Variants in MMP2 observed in about 807,000 individuals in gnomAD.
The protein encoded by MMP2 is matrix metallopeptidase 2.
In MMP2, 39 loss-of-function variants were observed where a neutral mutation model predicts 74.8. The ratio of observed to expected loss-of-function variants is 0.52; its 90% confidence interval spans 0.40 to 0.68. The LOEUF is 0.68. Among genes scored for constraint, MMP2 ranks in the 30% least tolerant of loss-of-function variants. MMP2 has a pLI of 0.00. For missense variants in MMP2, 803 were observed against 878.3 expected (o/e 0.91, Z 1.08); for synonymous variants, 367 against 339.8 (o/e 1.08, Z -0.88).
In MMP2 at chr16:55,498,269, A is replaced by AC. The variant is rs781281711; in HGVS notation, c.1610-17dup. The AC allele has an allele frequency of 2.5e-6, 4 of 1,613,494 alleles. No individual in the cohort carries two copies. Among genetic ancestry groups the AC allele is most frequent in the Non-Finnish European group, 3.4e-6 (4 of 1,179,892 alleles). On this transcript the variant is annotated intron_variant, in intron 10 of 12. Coordinates refer to ENST00000219070, the MANE Select transcript of MMP2 (RefSeq NM_004530.6). ...AGGGCATGTCAGCACCAGCCAACAC[A>AC]CCCTTTGCTTCCACCCCAGGGAATG... is the stretch of plus-strand genomic sequence containing the variant.
chr16:55,495,345 C>T (rs1962506418), intron 9 of MMP2, among the ~76,000 whole-genome samples: 1 of 152,210 alleles, frequency 6.6e-6, no homozygotes, highest in Admixed American at 6.5e-5. Flanking sequence ...GGAGCCATCC[C>T]TGGCCTACCA....
At chr16:55,482,409 G>A (rs1355471657) in intron 1 of MMP2, among the ~76,000 whole-genome samples, 3 of 152,178 alleles carry the variant, frequency 2.0e-5, no homozygotes, top group South Asian at 2.1e-4. Flanking sequence ...GTCACCAGCC[G>A]CAAGGTAGAT....
rs945004840 is a variant in MMP2, at chr16:55,479,986, G to A, written c.153+354G>A. The A allele has an allele frequency of 4.6e-4, 137 of 296,204 alleles. 2 individuals are homozygous for A. Among genetic ancestry groups the A allele is most frequent in the African/African-American group, 3.0e-3 (135 of 44,604 alleles). 18.3% of individuals were successfully genotyped at this position (296,204 alleles called of 1,614,324 possible). ...GTATCTGGGACATTTGGCGGGGGGGGGGGGCGGTCTTTGTAAACAACTTTT... is the reference window on the plus strand; with the variant it reads ...GTATCTGGGACATTTGGCGGGGGGGAGGGGCGGTCTTTGTAAACAACTTTT... On this transcript the variant is annotated intron_variant, in intron 1 of 12. Coordinates refer to ENST00000219070, the MANE Select transcript of MMP2 (RefSeq NM_004530.6).
Position 55,496,938 on chromosome 16 carries a change from G to T in MMP2, c.1485G>T (p.Arg495=). ...IFFFKDRFIW[R]TVTPRDKPMG... ...TGCCTCCTGCCAGGTTCATTTGGCG[G>T]ACTGTGACGCCACGTGACAAGCCCA... Residue 495 remains arginine (R), a synonymous_variant, in exon 10 of 13, where the codon CGG becomes CGT. Coordinates refer to ENST00000219070, the MANE Select transcript of MMP2 (RefSeq NM_004530.6). 6.2e-7 allele frequency: 1 copy of T among 1,614,052 alleles called. No individual in the cohort carries two copies.
chr16:55,495,117 T>TGA (rs1340267419), intron 9 of MMP2, among the ~76,000 whole-genome samples: 1 of 152,172 alleles, frequency 6.6e-6, no homozygotes, highest in African/African-American at 2.4e-5. Context: ...CAATGAGAGA[T>TGA]GAGACTTAGA....
chr16:55,502,109 T>C (rs1962681429), intron 11 of MMP2, among the ~76,000 whole-genome samples: 1 of 152,198 alleles, frequency 6.6e-6, no homozygotes, highest in East Asian at 1.9e-4. Context: ...GCCCACCCTG[T>C]GACTAACAGG....
chr16:55,502,862 A>G lies in MMP2; in HGVS notation c.1853A>G (p.Asp618Gly). Reference sequence around the variant, plus strand: ...TGGAATGCCATCCCCGATAACCTGGATGCCGTCGTGGACCTGCAGGGCGGC... The same window carrying G: ...TGGAATGCCATCCCCGATAACCTGGGTGCCGTCGTGGACCTGCAGGGCGGC... ...DAWNAIPDNL[D>G]AVVDLQGGGH... Residue 618 changes from aspartate (D) to glycine (G), a missense_variant, in exon 12 of 13, where the codon GAT (aspartate) becomes GGT (glycine). Coordinates refer to ENST00000219070, the MANE Select transcript of MMP2 (RefSeq NM_004530.6). 6.2e-7 allele frequency: 1 copy of G among 1,613,954 alleles called. No homozygotes were observed. The highest frequency in any genetic ancestry group is 2.2e-5 in the East Asian group (1 of 44,876).
intron 11 of MMP2, 57 bp from the exon 12 acceptor site, chr16:55,502,722 G>C: frequency 6.7e-7 from 1 of 1,492,676 alleles, no homozygotes; most frequent in Non-Finnish European, 9.3e-7. Flanking sequence ...ATCCAGGCCA[G>C]GGGGGAAGTG....
Position 55,484,045 on chromosome 16 carries a change from C to G in MMP2, c.410C>G (p.Pro137Arg). Residue 137 changes from proline to arginine, a missense_variant, in exon 3 of 13, where the codon CCA becomes CGA. By Grantham distance (103) the Pro-to-Arg change is moderately radical (BLOSUM62 -2). This residue lies in a region of MMP2 where 223 missense variants were observed against 232.8 expected (regional missense o/e 0.96). Transcript: ENST00000219070. Reference sequence around the variant, plus strand: ...ATTGGCTACACACCTGATCTGGACCCAGAGACAGTGGATGATGCCTTTGCT... The same window carrying G: ...ATTGGCTACACACCTGATCTGGACCGAGAGACAGTGGATGATGCCTTTGCT... The part of the protein sequence containing the change: ...RIIGYTPDLD[P>R]ETVDDAFARA... 6.2e-7 allele frequency: 1 copy of G among 1,614,194 alleles called. No individual in the cohort carries two copies. Among genetic ancestry groups the G allele is most frequent in the African/African-American group, 1.3e-5 (1 of 75,062 alleles).
intron 9 of MMP2, 87 bp from the exon 10 acceptor site, chr16:55,496,839 G>GT: frequency 6.4e-7 from 1 of 1,565,890 alleles, no homozygotes; most frequent in Non-Finnish European, 8.7e-7. Flanking sequence ...TCTCTGGGAT[G>GT]TTTCTGGGTG....
At chr16:55,496,806 C>T (rs1041627004) in intron 9 of MMP2, 120 bp from the exon 10 acceptor site, 8 of 1,369,064 alleles carry the variant, frequency 5.8e-6, no homozygotes, top group Non-Finnish European at 8.1e-6. Flanking sequence ...TTGATCCTGC[C>T]TCCCACTCCC....
rs907807434 is a variant in MMP2, at chr16:55,505,201, T to C, written c.1880-138T>C. ...AACTCCTGGGCTCAAGCAATCCTCC[T>C]GCCTCAGCCTTTCAAAGCTCTCTTC... On this transcript the variant is annotated intron_variant, in intron 12 of 12. Coordinates refer to ENST00000219070, the MANE Select transcript of MMP2 (RefSeq NM_004530.6). 5 of 799,840 alleles carry C rather than the reference T, an allele frequency of 6.3e-6. No individual in the cohort carries two copies. The East Asian group carries it at 1.0e-4, about 16-fold the overall frequency. 49.5% of individuals were successfully genotyped at this position (799,840 alleles called of 1,614,324 possible). A position where few individuals can be genotyped will look rare whatever the true frequency, so the allele number is the denominator to read the frequency against.
Position 55,479,282 on chromosome 16 carries a change from C to CGGA in MMP2, c.-196_-195insAGG, listed in dbSNP as rs1324708916. 1 of 421,266 alleles carries CGGA rather than the reference C, an allele frequency of 2.4e-6. No individual in the cohort carries two copies. The highest frequency in any genetic ancestry group is 3.8e-6 in the Non-Finnish European group (1 of 264,900). 26.1% of individuals were successfully genotyped at this position (421,266 alleles called of 1,614,324 possible). On this transcript the variant is annotated 5_prime_UTR_variant, in exon 1 of 13. Transcript: ENST00000219070. ...ACAAAGGGATTGCCAGGACCTGCGG[C>CGGA]GGCGGCGGCGGCGGCGGGGGCTGGG...
At chr16:55,489,502 CA>C in intron 6 of MMP2, 148 bp from the exon 7 acceptor site, 1 of 927,634 alleles carries the variant, frequency 1.1e-6, no homozygotes, top group South Asian at 1.3e-5. Flanking sequence ...AGGCTGTTGT[CA>C]GGGGTGGGTG....
intron 10 of MMP2, 49 bp downstream of exon 10, chr16:55,497,111 A>G: frequency 6.2e-7 from 1 of 1,612,814 alleles, no homozygotes; most frequent in Non-Finnish European, 8.5e-7. Context: ...AGGGCTCTGC[A>G]CCAGGGCTCC....
At chr16:55,485,060 G>C (rs989714560) in intron 3 of MMP2, among the ~76,000 whole-genome samples, 5 of 152,158 alleles carry the variant, frequency 3.3e-5, no homozygotes, top group Non-Finnish European at 5.9e-5. Flanking sequence ...AATGGAGGTA[G>C]AGGGTATGGA....
intron 7 of MMP2, among the ~76,000 whole-genome samples, chr16:55,491,033 C>T (rs1332062121): frequency 6.6e-6 from 1 of 151,606 alleles, no homozygotes; most frequent in Non-Finnish European, 1.5e-5. Flanking sequence ...TCTGTCATGA[C>T]ATGGATGGCC....
chr16:55,488,627 C>G lies in MMP2; in HGVS notation c.917C>G (p.Thr306Ser). Residue 306 changes from threonine (T) to serine (S), a missense_variant, in exon 6 of 13, where the codon ACC becomes AGC. Thr to Ser is a moderately conservative substitution (Grantham distance 58, BLOSUM62 1). Transcript: ENST00000219070. Reference sequence around the variant, plus strand: ...CAGGGCACATCCTATGACAGCTGCACCACTGAGGGCCGCACGGATGGCTAC... The same window carrying G: ...CAGGGCACATCCTATGACAGCTGCAGCACTGAGGGCCGCACGGATGGCTAC... ...RFQGTSYDSC[T>S]TEGRTDGYRW... is the part of the protein sequence containing the mutation. 6.2e-7 allele frequency: 1 copy of G among 1,613,894 alleles called. No individual in the cohort carries two copies. Among genetic ancestry groups the G allele is most frequent in the Non-Finnish European group, 8.5e-7 (1 of 1,179,936 alleles).
At chr16:55,504,097 G>A (rs1351774644) in intron 12 of MMP2, among the ~76,000 whole-genome samples, 1 of 152,170 alleles carries the variant, frequency 6.6e-6, no homozygotes, top group East Asian at 1.9e-4. Flanking sequence ...GTTTAAGGCT[G>A]CAGTGAGCCG....
Sources: gnomAD v4.1 joint callset for allele counts (sites outside exome capture counted in the v4.1 genomes callset) on GRCh38, gnomAD v4.1.1 for gene constraint, gnomAD v4.1.1 regional missense constraint, MANE v1.5 for transcripts, NCBI Gene and HGNC (gene_info 2026-07-23, HGNC 2026-07-21) for gene names.